SPOUT1: variants seen among roughly 807,000 people sequenced by gnomAD.
SPOUT1 encodes the protein SPOUT domain containing methyltransferase 1.
SPOUT1 carries 40 observed loss-of-function variants against 54.8 expected under a neutral mutation model. The ratio of observed to expected loss-of-function variants is 0.73; its 90% CI spans 0.57 to 0.95. SPOUT1 has a LOEUF of 0.95. Ranked by LOEUF, SPOUT1 falls within the 40% of genes least tolerant of loss-of-function variation. SPOUT1 has a pLI of 0.00. For synonymous variants in SPOUT1, 193 were observed against 200.3 expected (o/e 0.96, Z 0.31); for missense variants, 437 against 499.5 (o/e 0.87, Z 1.19).
intron 1 of SPOUT1, among the ~76,000 whole-genome samples, 175 bp downstream of exon 1, chr9:128,829,570 G>A (rs2293965): frequency 0.049 from 7,468 of 152,248 alleles, 205 homozygotes; most frequent in Middle Eastern, 0.085. Context: ...GAGAGGACAC[G>A]GGCGCTGTTC....
At chr9:128,824,557 G>C (rs1212849066) in intron 9 of SPOUT1, among the ~76,000 whole-genome samples, 1 of 152,106 alleles carries the variant, frequency 6.6e-6, no homozygotes, top group Non-Finnish European at 1.5e-5. Flanking sequence ...AAACATTATT[G>C]ATCAATAATG....
Position 128,829,325 on chromosome 9 carries a change from T to A in SPOUT1, c.37-170A>T, listed in dbSNP as rs560371499. ...GGCAGGAGGGCAGGGACCCGCTGTA[T>A]CCCCAGCGCCTGGGACCCAGCCTGG... is the stretch of plus-strand genomic sequence containing the variant. On this transcript the variant is annotated intron_variant, in intron 1 of 11. Coordinates refer to ENST00000361256, the MANE Select transcript of SPOUT1 (RefSeq NM_016390.4). 8.5e-5 allele frequency among the ~76,000 whole-genome samples: 13 copies of A among 152,166 alleles called. No individual in the cohort carries two copies. The South Asian group carries it at 2.7e-3, about 32-fold the overall frequency.
At chr9:128,828,989 TG>T in intron 2 of SPOUT1, 120 bp downstream of exon 2, 1 of 1,514,402 alleles carries the variant, frequency 6.6e-7, no homozygotes, top group Non-Finnish European at 9.2e-7. Context: ...TCCCGGCCCC[TG>T]CCTCCCCACT....
At position 128,825,029 on chromosome 9, in the gene SPOUT1, G is replaced by GTTCTT. The variant is rs778515215; in HGVS notation, c.655_659dup (p.Asn220LysfsTer10). On this transcript the variant is annotated frameshift_variant, in exon 8 of 12. Coordinates refer to ENST00000361256, the MANE Select transcript of SPOUT1 (RefSeq NM_016390.4). LOFTEE classifies it high-confidence loss of function. ...CAGTCACCCGAAGCCCGGGCTCCAGGTTCTTGTCAATCTTCACCTCCTGGG... is the reference window on the plus strand; with the variant it reads ...CAGTCACCCGAAGCCCGGGCTCCAGGTTCTTTTCTTGTCAATCTTCACCTCCTGGG... 30 of 1,575,426 alleles carry GTTCTT rather than the reference G, an allele frequency of 1.9e-5. No individual in the cohort carries two copies. Among genetic ancestry groups the GTTCTT allele is most frequent in the African/African-American group, 2.7e-5 (2 of 74,302 alleles).
In SPOUT1 at chr9:128,822,860, G is replaced by A. The variant is rs754569361; in HGVS notation, c.1063-27C>T. 3 of 1,517,318 alleles carry A rather than the reference G, an allele frequency of 2.0e-6. No individual in the cohort carries two copies. In the East Asian group the frequency reaches 7.2e-5, roughly 36 times the overall value. The allele number at this position is 1,517,318 out of a possible 1,614,324, so 94.0% of individuals were successfully genotyped here. A position where few individuals can be genotyped will look rare whatever the true frequency, so the allele number is the denominator to read the frequency against. The stretch of plus-strand genomic sequence containing the variant: ...TGGAAGAGAAGCGTGGCAGTGGGCT[G>A]GGGCCTGGGGGGCTAGCGGGTGCCC... On this transcript the variant is annotated intron_variant, in intron 11 of 11. Transcript: ENST00000361256.
Position 128,821,989 on chromosome 9 carries a change from A to T in SPOUT1, c.*776T>A. 3.1e-6 allele frequency: 1 copy of T among 318,752 alleles called. No individual in the cohort carries two copies. Among genetic ancestry groups the T allele is most frequent in the Non-Finnish European group, 6.0e-6 (1 of 166,938 alleles). 19.7% of individuals were successfully genotyped at this position (318,752 alleles called of 1,614,324 possible). A position where few individuals can be genotyped will look rare whatever the true frequency, so the allele number is the denominator to read the frequency against. ...ATATCACCTGTCATGGTCCTTGCCCACTTGTTGCTCACCTCTGTGGGGAGA... is the reference window on the plus strand; with the variant it reads ...ATATCACCTGTCATGGTCCTTGCCCTCTTGTTGCTCACCTCTGTGGGGAGA... On this transcript the variant is annotated 3_prime_UTR_variant, in exon 12 of 12. Coordinates refer to ENST00000361256, the MANE Select transcript of SPOUT1 (RefSeq NM_016390.4).
At position 128,826,031 on chromosome 9, in the gene SPOUT1, G is replaced by A. The variant is rs1180091329; in HGVS notation, c.630C>T (p.Gly210=). The A allele has an allele frequency of 1.2e-6, 2 of 1,613,954 alleles. No homozygotes were observed. Among genetic ancestry groups the A allele is most frequent in the Non-Finnish European group, 1.7e-6 (2 of 1,180,010 alleles). ...ATCTTTCTGTTCCTACCTTTTTCATGCCACAGTTGACAAAGGAGCCGTGGC... is the reference window on the plus strand; with the variant it reads ...ATCTTTCTGTTCCTACCTTTTTCATACCACAGTTGACAAAGGAGCCGTGGC... ...RPGHGSFVNC[G]MKKEVKIDKN... Residue 210 remains glycine, a synonymous_variant, in exon 7 of 12, where the codon GGC becomes GGT. Coordinates refer to ENST00000361256, the MANE Select transcript of SPOUT1 (RefSeq NM_016390.4). This position sits in a 1 kb window ranked among gnomAD's most constrained non-coding sequence, Gnocchi z 5.5.
intron 10 of SPOUT1, 81 bp from the exon 11 acceptor site, chr9:128,823,975 CCCCAGACAGCAGGGG>C (rs1021012329): frequency 2.8e-5 from 44 of 1,582,958 alleles, no homozygotes; most frequent in Non-Finnish European, 3.3e-5. Flanking sequence ...TCCCTCCCCA[CCCCAGACAGCAGGGG>C]CCCATCTGTG....
rs1460509654 is a variant in SPOUT1, at chr9:128,821,809, T to G, written c.*956A>C. ...TGTCACATGCTTCCCCAGGGCCTGG[T>G]CCATGGTAAGGGCTCGGCATAGGCT... On this transcript the variant is annotated 3_prime_UTR_variant, in exon 12 of 12. Transcript: ENST00000361256. The G allele has an allele frequency of 1.8e-5, 3 of 166,636 alleles. No individual in the cohort carries two copies. Among genetic ancestry groups the G allele is most frequent in the Non-Finnish European group, 3.9e-5 (3 of 76,198 alleles). 10.3% of individuals were successfully genotyped at this position (166,636 alleles called of 1,614,324 possible). A position where few individuals can be genotyped will look rare whatever the true frequency, so the allele number is the denominator to read the frequency against.
chr9:128,820,500 C>A lies in SPOUT1; in HGVS notation c.*2265G>T. ...AGACAGGCTCTTCCTTCATTCGACT[C>A]TTGGGAGCTGAGAAAAGACTTTGAC... On this transcript the variant is annotated 3_prime_UTR_variant, in exon 12 of 12. Coordinates refer to ENST00000361256, the MANE Select transcript of SPOUT1 (RefSeq NM_016390.4). 1 of 531,046 alleles carries A rather than the reference C, an allele frequency of 1.9e-6. No individual in the cohort carries two copies. The highest frequency in any genetic ancestry group is 3.4e-6 in the Non-Finnish European group (1 of 296,394). The allele number at this position is 531,046 out of a possible 1,614,324, so 32.9% of individuals were successfully genotyped here.
chr9:128,820,393 G>C lies in SPOUT1; in HGVS notation c.*2372C>G. On this transcript the variant is annotated 3_prime_UTR_variant, in exon 12 of 12. Coordinates refer to ENST00000361256, the MANE Select transcript of SPOUT1 (RefSeq NM_016390.4). ...TGTGGCTCAGACTGGGAAAAGGAAC[G>C]GGTTGGTAGTTGGAAGGGCTGGTCT... 8.4e-6 allele frequency: 2 copies of C among 238,584 alleles called. No homozygotes were observed. Among genetic ancestry groups the C allele is most frequent in the Middle Eastern group, 1.4e-3 (1 of 708 alleles). The allele number at this position is 238,584 out of a possible 1,614,324, so 14.8% of individuals were successfully genotyped here. A position where few individuals can be genotyped will look rare whatever the true frequency, so the allele number is the denominator to read the frequency against.
rs944812384 is a variant in SPOUT1 at position 128,824,717 on chromosome 9, G to A, written c.811+54C>T. On this transcript the variant is annotated intron_variant, in intron 9 of 11. Coordinates refer to ENST00000361256, the MANE Select transcript of SPOUT1 (RefSeq NM_016390.4). Reference sequence around the variant, plus strand: ...GATATTTGGGTCAGGCAAGGCTCCCGGCCACCTCCCAGAGGGATGGATGGA... The same window carrying A: ...GATATTTGGGTCAGGCAAGGCTCCCAGCCACCTCCCAGAGGGATGGATGGA... 9 of 1,398,284 alleles carry A rather than the reference G, an allele frequency of 6.4e-6. No individual in the cohort carries two copies. In the Admixed American group the frequency reaches 6.8e-5, roughly 11 times the overall value. The allele number at this position is 1,398,284 out of a possible 1,614,324, so 86.6% of individuals were successfully genotyped here. A position where few individuals can be genotyped will look rare whatever the true frequency, so the allele number is the denominator to read the frequency against.
intron 9 of SPOUT1, among the ~76,000 whole-genome samples, chr9:128,824,492 A>G (rs1289196510): frequency 6.6e-6 from 1 of 152,154 alleles, no homozygotes; most frequent in African/African-American, 2.4e-5. Flanking sequence ...CACCAAGAAC[A>G]TGAAGTGGGC....
chr9:128,821,508 G>C lies in SPOUT1; in HGVS notation c.*1257C>G, dbSNP rs1464512067. ...TGGAGCACTTCCCTCCACCCTTCTC[G>C]GGAGTTTGAATCTAGATCTGCCTGA... On this transcript the variant is annotated 3_prime_UTR_variant, in exon 12 of 12. Coordinates refer to ENST00000361256, the MANE Select transcript of SPOUT1 (RefSeq NM_016390.4). 6.5e-6 allele frequency: 1 copy of C among 154,504 alleles called. No homozygotes were observed. The highest frequency in any genetic ancestry group is 2.4e-5 in the African/African-American group (1 of 41,376). 9.6% of individuals were successfully genotyped at this position (154,504 alleles called of 1,614,324 possible). A position where few individuals can be genotyped will look rare whatever the true frequency, so the allele number is the denominator to read the frequency against.
At chr9:128,823,441 T>C (rs894976983) in intron 11 of SPOUT1, among the ~76,000 whole-genome samples, 15 of 151,976 alleles carry the variant, frequency 9.9e-5, no homozygotes, top group Non-Finnish European at 1.5e-4. Flanking sequence ...CACAAGGAAG[T>C]GGCAGAACCA....
chr9:128,828,739 G>T lies in SPOUT1; in HGVS notation c.204C>A (p.Asp68Glu). The T allele has an allele frequency of 6.2e-7, 1 of 1,613,564 alleles. No homozygotes were observed. The highest frequency in any genetic ancestry group is 1.1e-5 in the South Asian group (1 of 91,048). ...EEEEAAAEKEDRGRPYTLSVA... is the reference protein window; with the variant it reads ...EEEEAAAEKEERGRPYTLSVA... ...CTCCCCAAGACCCCAGCTCACCGCG[G>T]TCCTCCTTCTCTGCCGCTGCCTCCT... The change falls in exon 3 of 12, where the codon GAC (aspartate) becomes GAA (glutamate). Residue 68 changes from aspartate to glutamate, a missense_variant. Transcript: ENST00000361256.
chr9:128,825,051 TG>T lies in SPOUT1; in HGVS notation c.640-3del. 6.4e-7 allele frequency: 1 copy of T among 1,563,506 alleles called. No individual in the cohort carries two copies. Among genetic ancestry groups the T allele is most frequent in the Non-Finnish European group, 8.7e-7 (1 of 1,153,638 alleles). On this transcript the variant is annotated splice_polypyrimidine_tract_variant and splice_region_variant and intron_variant, in intron 7 of 11. Transcript: ENST00000361256. ...CAGGTTCTTGTCAATCTTCACCTCC[TG>T]GGGAGAAGCCAGAAGAAATGGGTGC... is the stretch of plus-strand genomic sequence containing the variant.
rs759763346 is a variant in SPOUT1, at chr9:128,820,783, T to G, written c.*1982A>C. On this transcript the variant is annotated 3_prime_UTR_variant, in exon 12 of 12. Coordinates refer to ENST00000361256, the MANE Select transcript of SPOUT1 (RefSeq NM_016390.4). ...ATGCCTGGAACAACCTGGAGAAATA[T>G]AGCCGCAGCTTGACCCGCAGCTACC... The G allele has an allele frequency of 1.2e-6, 2 of 1,612,420 alleles. No homozygotes were observed. The highest frequency in any genetic ancestry group is 1.7e-6 in the Non-Finnish European group (2 of 1,179,300).
chr9:128,826,551 C>T lies in SPOUT1; in HGVS notation c.447G>A (p.Leu149=), dbSNP rs748183369. ...AGTGACCCCCTTACTGTGGACACTC[C>T]AGGTACTGCAGGATCCGGGCCAGCT... ...CVQLARILQY[L]ECPQYLRKAF... Residue 149 remains leucine (L), a synonymous_variant, in exon 5 of 12, where the codon CTG becomes CTA. Coordinates refer to ENST00000361256, the MANE Select transcript of SPOUT1 (RefSeq NM_016390.4). The surrounding 1 kb of genome is among the most constrained non-coding windows in gnomAD (Gnocchi z 5.5). 6 of 1,610,232 alleles carry T rather than the reference C, an allele frequency of 3.7e-6. No homozygotes were observed. The highest frequency in any genetic ancestry group is 5.1e-6 in the Non-Finnish European group (6 of 1,177,654).
Sources: gnomAD v4.1 joint callset for allele counts (sites outside exome capture counted in the v4.1 genomes callset) on GRCh38, gnomAD v4.1.1 for gene constraint, Gnocchi (gnomAD v3.1) non-coding constraint, MANE v1.5 for transcripts, NCBI Gene and HGNC (gene_info 2026-07-23, HGNC 2026-07-21) for gene names.